CNTN1: variants seen among roughly 807,000 people sequenced by gnomAD.
CNTN1 encodes contactin-1.
In CNTN1, 38 loss-of-function variants were observed where a neutral mutation model predicts 126.4. The observed-to-expected ratio is 0.30, with a 90% confidence interval of 0.23 to 0.39. The LOEUF (loss-of-function observed/expected upper bound fraction) is 0.39. CNTN1 is among the 10% of genes least tolerant of loss of function. The probability of loss-of-function intolerance (pLI) is 1.00; values close to 1 mark genes in which losing one functional copy is unlikely to be tolerated. For missense variants in CNTN1, 1,009 were observed against 1,248.4 expected (o/e 0.81, Z 2.89); for synonymous variants, 413 against 422.6 (o/e 0.98, Z 0.28).
At chr12:40,703,965 A>G (rs1941668549) in intron 1 of CNTN1, among the ~76,000 whole-genome samples, 1 of 152,208 alleles carries the variant, frequency 6.6e-6, no homozygotes, top group Non-Finnish European at 1.5e-5. Flanking sequence ...ATGGGTGCCA[A>G]CATGCTAGGG....
At chr12:40,698,228 ATTTTTTTT>A (rs35570862) in intron 1 of CNTN1, among the ~76,000 whole-genome samples, 31 of 69,866 alleles carry the variant, frequency 4.4e-4, no homozygotes, top group South Asian at 1.4e-3. Context: ...CAGCCACTTA[ATTTTTTTT>A]TTTTTTTTTT....
At chr12:41,014,187 T>C (rs773540246) in intron 17 of CNTN1, 41 bp from the exon 18 acceptor site, 2 of 1,601,240 alleles carry the variant, frequency 1.2e-6, no homozygotes, top group Non-Finnish European at 1.7e-6. Flanking sequence ...GCAGGCCCTC[T>C]TTTTGTTGTT....
intron 1 of CNTN1, among the ~76,000 whole-genome samples, chr12:40,735,803 C>T (rs373718986): frequency 1.3e-5 from 2 of 152,152 alleles, no homozygotes. Flanking sequence ...TTTTCCAGAA[C>T]ATTGGGGGAT....
At chr12:40,863,765 T>TGTG (rs5797690) in intron 1 of CNTN1, among the ~76,000 whole-genome samples, 104,614 of 151,702 alleles carry the variant, frequency 0.69, 36,755 homozygotes, top group African/African-American at 0.84. Context: ...CCTGATGATC[T>TGTG]GTGGAACAGT....
intron 15 of CNTN1, among the ~76,000 whole-genome samples, chr12:40,977,310 C>T (rs1055643942): frequency 4.6e-5 from 7 of 152,088 alleles, no homozygotes; most frequent in Non-Finnish European, 1.5e-5. Context: ...CTTCAGGTAG[C>T]AAGCTTCAGA....
intron 1 of CNTN1, among the ~76,000 whole-genome samples, chr12:40,877,354 G>A (rs1224449664): frequency 6.6e-6 from 1 of 152,148 alleles, no homozygotes; most frequent in African/African-American, 2.4e-5. Context: ...ATGAGCAACT[G>A]GAGAAAGAGG....
chr12:40,948,290 G>A (rs550275057), intron 14 of CNTN1, among the ~76,000 whole-genome samples: 1,525 of 65,378 alleles, frequency 0.023, 17 homozygotes, highest in Non-Finnish European at 0.035. Flanking sequence ...TTGAGCCACA[G>A]ATCTCATTTT....
intron 1 of CNTN1, among the ~76,000 whole-genome samples, chr12:40,825,861 A>ATGTG (rs139467326): frequency 0.59 from 89,448 of 151,438 alleles, 26,647 homozygotes; most frequent in East Asian, 0.75. Flanking sequence ...GCTGATGATG[A>ATGTG]TGTGTGTATG....
intron 23 of CNTN1, among the ~76,000 whole-genome samples, chr12:41,049,189 C>T (rs1338469822): frequency 6.6e-6 from 1 of 152,170 alleles, no homozygotes; most frequent in Non-Finnish European, 1.5e-5. Context: ...TTTAAAGTCT[C>T]CCAGGACTCA....
chr12:40,922,950 A>C (rs1320314809), intron 5 of CNTN1, among the ~76,000 whole-genome samples: 3 of 146,994 alleles, frequency 2.0e-5, no homozygotes, highest in African/African-American at 7.7e-5. Context: ...CAGCCTGATG[A>C]CAGAGCAAGA....
intron 3 of CNTN1, among the ~76,000 whole-genome samples, chr12:40,917,518 G>A (rs1401546790): frequency 6.6e-6 from 1 of 152,080 alleles, no homozygotes; most frequent in African/African-American, 2.4e-5. Flanking sequence ...AAGGAAGCTC[G>A]AACAGCACTC....
chr12:40,971,539 AAG>A, intron 15 of CNTN1: 1 of 1,588,854 alleles, frequency 6.3e-7, no homozygotes, highest in Non-Finnish European at 8.5e-7. Flanking sequence ...ATTTCTGTGA[AAG>A]ACTTTTTTTT....
intron 1 of CNTN1, among the ~76,000 whole-genome samples, chr12:40,846,792 A>T (rs1942520945): frequency 6.6e-6 from 1 of 152,078 alleles, no homozygotes; most frequent in South Asian, 2.1e-4. Flanking sequence ...CCTGGGTTCA[A>T]CTGATTCTCC....
intron 1 of CNTN1, among the ~76,000 whole-genome samples, chr12:40,878,773 C>G (rs147216990): frequency 8.5e-5 from 13 of 152,210 alleles, no homozygotes; most frequent in African/African-American, 3.1e-4. Flanking sequence ...GAGTGACACC[C>G]AACTTCTTTA....
At chr12:40,952,090 A>G (rs927429658) in intron 14 of CNTN1, among the ~76,000 whole-genome samples, 3 of 146,382 alleles carry the variant, frequency 2.0e-5, no homozygotes, top group African/African-American at 7.8e-5. Context: ...ATAACAACAT[A>G]TCATATATGA....
intron 16 of CNTN1, among the ~76,000 whole-genome samples, chr12:40,981,532 T>A (rs191203826): frequency 6.6e-6 from 1 of 152,296 alleles, no homozygotes; most frequent in Admixed American, 6.5e-5. Flanking sequence ...TTTATGTGAA[T>A]GATCTCACCC....
At chr12:40,844,564 G>A (rs1190575365) in intron 1 of CNTN1, among the ~76,000 whole-genome samples, 1 of 152,100 alleles carries the variant, frequency 6.6e-6, no homozygotes, top group East Asian at 1.9e-4. Flanking sequence ...TAATCTAAGA[G>A]TGATATTATT....
At chr12:41,026,616 G>C (rs964323621) in intron 21 of CNTN1, among the ~76,000 whole-genome samples, 1 of 152,138 alleles carries the variant, frequency 6.6e-6, no homozygotes, top group Admixed American at 6.6e-5. Context: ...GTGTGGAAAG[G>C]CCACTGGGTC....
intron 23 of CNTN1, among the ~76,000 whole-genome samples, chr12:41,069,526 G>T (rs978492084): frequency 6.6e-6 from 1 of 151,986 alleles, no homozygotes; most frequent in African/African-American, 2.4e-5. Context: ...ATGTTGGTGT[G>T]CTGCACCCAT....
Sources: allele counts gnomAD v4.1 joint callset (sites outside exome capture counted in the v4.1 genomes callset), GRCh38; gene constraint gnomAD v4.1.1; transcripts MANE v1.5; gene names NCBI Gene and HGNC (gene_info 2026-07-23, HGNC 2026-07-21).